The following FRMD4B variants were observed in gnomAD, a reference collection of about 807,000 sequenced individuals.
The protein encoded by FRMD4B is FERM domain-containing protein 4B.
In FRMD4B, 74 loss-of-function variants were observed where a neutral mutation model predicts 141.5. That is an observed-to-expected ratio of 0.52 (90% CI 0.43 to 0.63). FRMD4B has a LOEUF of 0.63. Among genes scored for constraint, FRMD4B ranks in the 30% least tolerant of loss-of-function variants. The probability of loss-of-function intolerance (pLI) is 0.00; values close to 1 mark genes in which losing one functional copy is unlikely to be tolerated. For synonymous variants in FRMD4B, 506 were observed against 467.9 expected (o/e 1.08, Z -1.05); for missense variants, 1,366 against 1,253.4 (o/e 1.09, Z -1.36).
rs556367065 is a variant in FRMD4B at position 69,454,936 on chromosome 3, T to C, written c.-128-22175A>G. On this transcript the variant is annotated intron_variant, in intron 1 of 5. Coordinates refer to the FRMD4B transcript ENST00000459638. Reference sequence around the variant, plus strand: ...AGAACTTTCATGTCTAGCCGGAGGATTGTGTATGCGCCCATCAGCATTCTG... The same window carrying C: ...AGAACTTTCATGTCTAGCCGGAGGACTGTGTATGCGCCCATCAGCATTCTG... Among the ~76,000 whole-genome samples the C allele has an allele frequency of 3.3e-5, 5 of 152,334 alleles. No homozygotes were observed. The South Asian group carries it at 8.3e-4, about 25-fold the overall frequency.
At chr3:69,496,958 C>T (rs890997913) in intron 1 of FRMD4B, among the ~76,000 whole-genome samples, 9 of 151,848 alleles carry the variant, frequency 5.9e-5, no homozygotes, top group Non-Finnish European at 1.2e-4. Flanking sequence ...CTTCCCCATC[C>T]ATTGCTATGT....
chr3:69,284,792 C>G (rs2107043774), intron 5 of FRMD4B, among the ~76,000 whole-genome samples: 1 of 152,212 alleles, frequency 6.6e-6, no homozygotes, highest in Admixed American at 6.6e-5. Context: ...ATTATTATAA[C>G]TATATTTAAT....
intron 1 of FRMD4B, among the ~76,000 whole-genome samples, chr3:69,331,098 T>TC (rs1702353747): frequency 1.3e-5 from 2 of 152,094 alleles, no homozygotes; most frequent in Admixed American, 1.3e-4. Flanking sequence ...CCAAATATTT[T>TC]CCCCCGTGTC....
intron 5 of FRMD4B, among the ~76,000 whole-genome samples, chr3:69,265,183 AG>A (rs2093552767): frequency 7.4e-6 from 1 of 134,742 alleles, no homozygotes; most frequent in Non-Finnish European, 1.6e-5. Context: ...TGAACCCAGG[AG>A]GTGGAGCTTG....
intron 1 of FRMD4B, among the ~76,000 whole-genome samples, chr3:69,473,905 T>A (rs1229453743): frequency 6.6e-6 from 1 of 152,162 alleles, no homozygotes; most frequent in East Asian, 1.9e-4. Flanking sequence ...GTTATTGATC[T>A]TTCAAGGGTT....
intron 5 of FRMD4B, among the ~76,000 whole-genome samples, chr3:69,269,251 C>T (rs983207788): frequency 6.6e-6 from 1 of 151,664 alleles, no homozygotes; most frequent in African/African-American, 2.4e-5. Context: ...TTATAACCGT[C>T]CTCCTGGGAA....
chr3:69,458,148 G>T (rs7631421), intron 1 of FRMD4B, among the ~76,000 whole-genome samples: 1 of 152,020 alleles, frequency 6.6e-6, no homozygotes, highest in Non-Finnish European at 1.5e-5. Context: ...GTAAGCAAAT[G>T]GCAAATTAAT....
At chr3:69,455,224 G>T (rs1266090487) in intron 1 of FRMD4B, among the ~76,000 whole-genome samples, 1 of 152,244 alleles carries the variant, frequency 6.6e-6, no homozygotes, top group Non-Finnish European at 1.5e-5. Context: ...GGATGTGGGT[G>T]GGGTCAGCTA....
intron 2 of FRMD4B, among the ~76,000 whole-genome samples, chr3:69,422,315 C>T (rs1018604611): frequency 6.6e-6 from 1 of 151,470 alleles, no homozygotes; most frequent in Non-Finnish European, 1.5e-5. Flanking sequence ...ATTGCTTGAA[C>T]CCGGGAGGTT....
chr3:69,181,785 G>A, intron 20 of FRMD4B, 75 bp from the exon 21 acceptor site: 1 of 847,542 alleles, frequency 1.2e-6, no homozygotes, highest in Admixed American at 2.6e-5. Flanking sequence ...AGAATAGCAT[G>A]CTGAATGACT....
chr3:69,437,669 A>G (rs1164123913), intron 1 of FRMD4B, among the ~76,000 whole-genome samples: 1 of 133,978 alleles, frequency 7.5e-6, no homozygotes, highest in Non-Finnish European at 1.5e-5. Flanking sequence ...TATACATACT[A>G]TATATACTAT....
At chr3:69,302,305 A>AAAAAAG (rs1159214902) in intron 4 of FRMD4B, 38 bp downstream of exon 4, 1 of 1,094,052 alleles carries the variant, frequency 9.1e-7, no homozygotes, top group Admixed American at 2.0e-5. Flanking sequence ...AATAACAGCA[A>AAAAAAG]AAAAAGAGGG....
intron 1 of FRMD4B, among the ~76,000 whole-genome samples, chr3:69,472,941 T>TC (rs1471035637): frequency 6.8e-6 from 1 of 148,076 alleles, no homozygotes; most frequent in East Asian, 2.0e-4. Context: ...TTTTTTTCTT[T>TC]TTTTTTTTTT....
chr3:69,296,877 G>C (rs1205153732), intron 4 of FRMD4B, among the ~76,000 whole-genome samples: 1 of 151,972 alleles, frequency 6.6e-6, no homozygotes, highest in Non-Finnish European at 1.5e-5. Context: ...AAATACAGAT[G>C]ACCAAAAAAG....
chr3:69,175,812 G>A (rs1270240218), intron 22 of FRMD4B, among the ~76,000 whole-genome samples: 5 of 117,204 alleles, frequency 4.3e-5, no homozygotes, highest in Non-Finnish European at 6.5e-5. Flanking sequence ...ATGGAGTCTC[G>A]CTCTGTCGCC....
chr3:69,471,900 T>C (rs998330789), intron 1 of FRMD4B: 1 of 155,222 alleles, frequency 6.4e-6, no homozygotes, highest in South Asian at 2.0e-4. Context: ...GGTACTAAGG[T>C]CCCGACTGAC....
At chr3:69,413,562 C>A (rs1272941440) in intron 2 of FRMD4B, among the ~76,000 whole-genome samples, 1 of 152,220 alleles carries the variant, frequency 6.6e-6, no homozygotes, top group Non-Finnish European at 1.5e-5. Context: ...ATCACAGTAA[C>A]CCCATTTCAT....
chr3:69,180,432 C>T (rs2092693329), intron 21 of FRMD4B, among the ~76,000 whole-genome samples: 1 of 151,946 alleles, frequency 6.6e-6, no homozygotes. Context: ...ATGTATAATT[C>T]TAATGTTTTC....
At chr3:69,414,649 A>T (rs1704820526) in intron 2 of FRMD4B, among the ~76,000 whole-genome samples, 1 of 152,044 alleles carries the variant, frequency 6.6e-6, no homozygotes, top group Admixed American at 6.5e-5. Context: ...AGGTTGACGT[A>T]AAGCACATTT....
Sources: allele counts gnomAD v4.1 joint callset (sites outside exome capture counted in the v4.1 genomes callset), GRCh38; gene constraint gnomAD v4.1.1; transcripts MANE v1.5; gene names NCBI Gene and HGNC (gene_info 2026-07-23, HGNC 2026-07-21).